GRIP1: variants seen among roughly 807,000 people sequenced by gnomAD.
GRIP1 encodes the protein glutamate receptor-interacting protein 1.
Under a neutral mutation model 129.9 loss-of-function variants are expected in GRIP1, and 45 were observed. The observed-to-expected ratio is 0.35, with a 90% CI of 0.27 to 0.44. GRIP1 has a LOEUF of 0.44. Ranked by LOEUF, GRIP1 falls within the 20% of genes least tolerant of loss-of-function variation. The pLI is 1.00. For synonymous variants in GRIP1, 530 were observed against 520.8 expected (o/e 1.02, Z -0.24); for missense variants, 1,196 against 1,396.8 (o/e 0.86, Z 2.29).
At chr12:66,548,812 C>G (rs2139289561) in intron 2 of GRIP1, among the ~76,000 whole-genome samples, 1 of 152,200 alleles carries the variant, frequency 6.6e-6, no homozygotes, top group Middle Eastern at 3.4e-3. Flanking sequence ...GGGGCAGGCA[C>G]ACTATATAAT....
At position 66,531,994 on chromosome 12, in the gene GRIP1, T is replaced by C. The variant is rs192832136; in HGVS notation, c.419-2080A>G. The stretch of plus-strand genomic sequence containing the variant: ...GTCCTTTTTGGCTGGGTATCTGTTA[T>C]GGGAATGCAAAGTACTGCAATTTTG... On this transcript the variant is annotated intron_variant, in intron 4 of 24. Coordinates refer to ENST00000359742, the MANE Select transcript of GRIP1 (RefSeq NM_001366722.1). Among the ~76,000 whole-genome samples the C allele has an allele frequency of 2.1e-3, 319 of 152,336 alleles. 2 individuals are homozygous for C. Among genetic ancestry groups the C allele is most frequent in the Middle Eastern group, 0.01 (3 of 294 alleles).
chr12:66,479,381 TC>T (rs2138533763), intron 7 of GRIP1, among the ~76,000 whole-genome samples: 1 of 152,144 alleles, frequency 6.6e-6, no homozygotes, highest in East Asian at 1.9e-4. Flanking sequence ...AGAAGTTGAG[TC>T]CCTGAATAGG....
chr12:66,725,186 T>C (rs867958793), intron 1 of GRIP1, among the ~76,000 whole-genome samples: 1 of 151,858 alleles, frequency 6.6e-6, no homozygotes, highest in Non-Finnish European at 1.5e-5. Context: ...CCTGCAGTCC[T>C]AGCTACTAAG....
At chr12:66,429,091 G>A (rs1246668429) in intron 14 of GRIP1, among the ~76,000 whole-genome samples, 4 of 152,124 alleles carry the variant, frequency 2.6e-5, no homozygotes, top group Non-Finnish European at 5.9e-5. Context: ...TGTGTCATCG[G>A]AACTTAAGAA....
At chr12:66,892,714 C>T (rs2040682062) in intron 1 of GRIP1, among the ~76,000 whole-genome samples, 1 of 152,188 alleles carries the variant, frequency 6.6e-6, no homozygotes, top group Admixed American at 6.5e-5. Flanking sequence ...GCAATCCCTG[C>T]ATTTTGGGAG....
At chr12:66,831,350 T>C (rs779315856) in intron 1 of GRIP1, among the ~76,000 whole-genome samples, 3 of 152,204 alleles carry the variant, frequency 2.0e-5, no homozygotes, top group Non-Finnish European at 2.9e-5. Context: ...ATGTTATTTA[T>C]ATTTTTATGG....
intron 1 of GRIP1, among the ~76,000 whole-genome samples, chr12:67,004,871 T>A (rs1422355485): frequency 6.6e-6 from 1 of 152,010 alleles, no homozygotes; most frequent in Non-Finnish European, 1.5e-5. Context: ...TAAGGCACAA[T>A]CATGAACAAA....
intron 1 of GRIP1, among the ~76,000 whole-genome samples, chr12:66,770,635 T>C (rs1238694472): frequency 6.6e-6 from 1 of 152,190 alleles, no homozygotes; most frequent in Non-Finnish European, 1.5e-5. Flanking sequence ...GAGGACCACA[T>C]GGGCAATGAA....
At chr12:66,677,564 G>A (rs745631730) in intron 1 of GRIP1, among the ~76,000 whole-genome samples, 2 of 152,160 alleles carry the variant, frequency 1.3e-5, no homozygotes, top group Admixed American at 1.3e-4. Context: ...AGAGGATAAA[G>A]TCAAAACAGA....
chr12:66,547,003 A>G (rs1276866766), intron 2 of GRIP1, among the ~76,000 whole-genome samples: 4 of 152,194 alleles, frequency 2.6e-5, no homozygotes, highest in Non-Finnish European at 5.9e-5. Context: ...TCTGCAAACT[A>G]CATATCCAAC....
intron 2 of GRIP1, among the ~76,000 whole-genome samples, chr12:66,593,217 C>A (rs1356543245): frequency 6.6e-6 from 1 of 152,062 alleles, no homozygotes; most frequent in Non-Finnish European, 1.5e-5. Flanking sequence ...CGAAAGCAAA[C>A]GCATTTTGCT....
intron 22 of GRIP1, among the ~76,000 whole-genome samples, chr12:66,376,311 C>T (rs564662781): frequency 1.3e-5 from 2 of 152,258 alleles, no homozygotes; most frequent in Non-Finnish European, 2.9e-5. Context: ...GAGTTTCACC[C>T]CATTATGCCA....
intron 1 of GRIP1, among the ~76,000 whole-genome samples, chr12:66,927,522 C>T (rs182868708): frequency 3.9e-5 from 6 of 152,294 alleles, no homozygotes; most frequent in Non-Finnish European, 5.9e-5. Context: ...AGTAGGAACA[C>T]CGTCAATATT....
intron 1 of GRIP1, chr12:66,626,730 T>A (rs1414324720): frequency 1.3e-5 from 2 of 152,932 alleles, no homozygotes; most frequent in African/African-American, 4.8e-5. Flanking sequence ...ATAGTCAGCG[T>A]CACCACTCCT....
chr12:66,917,448 C>G (rs907818921), intron 1 of GRIP1, among the ~76,000 whole-genome samples: 2 of 152,168 alleles, frequency 1.3e-5, no homozygotes, highest in African/African-American at 4.8e-5. Context: ...CAAAGAGCAT[C>G]TATTCTTAAT....
intron 11 of GRIP1, among the ~76,000 whole-genome samples, chr12:66,452,690 C>G (rs1405031001): frequency 2.0e-5 from 3 of 152,038 alleles, no homozygotes; most frequent in Non-Finnish European, 4.4e-5. Context: ...ACAAAGGGGG[C>G]AGCAAATGGT....
chr12:66,811,137 A>G (rs1040867202), intron 1 of GRIP1, among the ~76,000 whole-genome samples: 1 of 152,234 alleles, frequency 6.6e-6, no homozygotes, highest in Non-Finnish European at 1.5e-5. Context: ...CTGCAAATAT[A>G]TTAGGCTTCA....
At chr12:66,794,448 A>G (rs1334820795) in intron 1 of GRIP1, among the ~76,000 whole-genome samples, 1 of 152,200 alleles carries the variant, frequency 6.6e-6, no homozygotes, top group East Asian at 1.9e-4. Flanking sequence ...TGCCATTCAC[A>G]TACACAGGGG....
At chr12:66,865,861 C>G (rs1463404801) in intron 1 of GRIP1, among the ~76,000 whole-genome samples, 2 of 152,088 alleles carry the variant, frequency 1.3e-5, no homozygotes, top group African/African-American at 4.8e-5. Flanking sequence ...TGCTTATTTT[C>G]CAAACTCACT....
Sources: gnomAD v4.1 joint callset for allele counts (sites outside exome capture counted in the v4.1 genomes callset) on GRCh38, gnomAD v4.1.1 for gene constraint, MANE v1.5 for transcripts, NCBI Gene and HGNC (gene_info 2026-07-23, HGNC 2026-07-21) for gene names.